TMC1: variants seen among roughly 807,000 people sequenced by gnomAD.
The protein encoded by TMC1 is transmembrane channel like 1.
Under a neutral mutation model 105.8 loss-of-function variants are expected in TMC1, and 84 were observed. The ratio of observed to expected loss-of-function variants is 0.79; its 90% CI spans 0.67 to 0.95. The LOEUF (loss-of-function observed/expected upper bound fraction) is 0.95, where lower values mean the gene tolerates loss of function less well. Among genes scored for constraint, TMC1 ranks in the 40% least tolerant of loss-of-function variants. The pLI is 0.00. For synonymous variants in TMC1, 315 were observed against 311.5 expected, an observed-to-expected ratio of 1.01 and a Z score of -0.12; for missense variants, 817 against 914.1, an observed-to-expected ratio of 0.89 and a Z score of 1.37.
At chr9:72,559,336 C>T (rs1824003904) in intron 1 of TMC1, among the ~76,000 whole-genome samples, 1 of 152,134 alleles carries the variant, frequency 6.6e-6, no homozygotes, top group South Asian at 2.1e-4. Flanking sequence ...CCTCATGATC[C>T]ACCCGCCTTG....
chr9:72,624,667 A>G (rs1308116197), intron 3 of TMC1, among the ~76,000 whole-genome samples: 1 of 152,194 alleles, frequency 6.6e-6, no homozygotes, highest in African/African-American at 2.4e-5. Context: ...CACTAGCCCA[A>G]TTATGCACCA....
intron 5 of TMC1, among the ~76,000 whole-genome samples, chr9:72,667,075 G>A (rs1826056233): frequency 6.6e-6 from 1 of 152,058 alleles, no homozygotes; most frequent in African/African-American, 2.4e-5. Flanking sequence ...GTGAGACCCT[G>A]TCTCAAAACA....
intron 2 of TMC1, among the ~76,000 whole-genome samples, chr9:72,607,643 A>G (rs1002385416): frequency 1.4e-4 from 20 of 146,764 alleles, no homozygotes; most frequent in African/African-American, 5.0e-4. Context: ...AAGAGTATCA[A>G]TGTATCAAAA....
At chr9:72,554,505 T>G (rs1048262021) in intron 1 of TMC1, among the ~76,000 whole-genome samples, 2 of 152,222 alleles carry the variant, frequency 1.3e-5, no homozygotes, top group East Asian at 3.9e-4. Flanking sequence ...CTTGGTGATA[T>G]CTTGATCTTA....
At chr9:72,799,318 G>T (rs1169047367) in intron 17 of TMC1, among the ~76,000 whole-genome samples, 2 of 151,884 alleles carry the variant, frequency 1.3e-5, no homozygotes. Context: ...ATTTTTTACT[G>T]CATTATTTGG....
At chr9:72,603,854 T>G (rs1337162975) in intron 2 of TMC1, among the ~76,000 whole-genome samples, 1 of 140,196 alleles carries the variant, frequency 7.1e-6, no homozygotes, top group Non-Finnish European at 1.5e-5. Flanking sequence ...GGCTGTTTTT[T>G]TTTTTTTTTT....
chr9:72,588,038 C>T (rs976917502), intron 2 of TMC1, among the ~76,000 whole-genome samples: 1 of 152,090 alleles, frequency 6.6e-6, no homozygotes, highest in Non-Finnish European at 1.5e-5. Flanking sequence ...ACCCATCCTC[C>T]TCAGCCTTCC....
intron 1 of TMC1, among the ~76,000 whole-genome samples, chr9:72,536,706 G>T (rs2132061193): frequency 6.6e-6 from 1 of 152,254 alleles, no homozygotes; most frequent in South Asian, 2.1e-4. Context: ...GTAGTGTGAG[G>T]GGTGGGTCCT....
chr9:72,632,506 G>A (rs1255270634), intron 4 of TMC1, among the ~76,000 whole-genome samples: 1 of 152,110 alleles, frequency 6.6e-6, no homozygotes, highest in Non-Finnish European at 1.5e-5. Context: ...AAGAGGACGA[G>A]GGGCTGGAAA....
intron 8 of TMC1, among the ~76,000 whole-genome samples, chr9:72,706,779 T>C (rs927272135): frequency 2.8e-5 from 3 of 107,534 alleles, no homozygotes; most frequent in Non-Finnish European, 7.0e-5. Context: ...TCTTTCTTTC[T>C]TTTTTTTTTT....
chr9:72,640,045 A>G (rs996377853), intron 4 of TMC1, among the ~76,000 whole-genome samples: 3 of 152,172 alleles, frequency 2.0e-5, no homozygotes, highest in Non-Finnish European at 2.9e-5. Context: ...TTGCCAATCC[A>G]ATTTTTTTTT....
intron 2 of TMC1, among the ~76,000 whole-genome samples, chr9:72,583,105 C>T (rs957801287): frequency 5.3e-5 from 8 of 152,010 alleles, no homozygotes; most frequent in Admixed American, 5.2e-4. Flanking sequence ...GCCTGTGATC[C>T]CAGCTACTCA....
intron 3 of TMC1, among the ~76,000 whole-genome samples, chr9:72,625,910 C>G (rs72731190): frequency 0.099 from 15,089 of 152,060 alleles, 796 homozygotes; most frequent in Non-Finnish European, 0.13. Flanking sequence ...TTGTATATGT[C>G]CAACAAGAGA....
rs187093603 is a variant in TMC1, at chr9:72,689,308, G to A, written c.64+552G>A. On this transcript the variant is annotated intron_variant, in intron 6 of 23. Transcript: ENST00000297784. ...GTCTTATGATCTACACTCAAACAAGGTAGGTCGGATGATTTCTTGATGACC... is the reference window on the plus strand; with the variant it reads ...GTCTTATGATCTACACTCAAACAAGATAGGTCGGATGATTTCTTGATGACC... Among the ~76,000 whole-genome samples the A allele has an allele frequency of 1.1e-4, 16 of 152,234 alleles. No individual in the cohort carries two copies. The South Asian group carries it at 2.9e-3, about 28-fold the overall frequency.
chr9:72,819,969 ACTAAGCCAT>A (rs1304318613), intron 19 of TMC1, among the ~76,000 whole-genome samples: 1 of 152,206 alleles, frequency 6.6e-6, no homozygotes, highest in African/African-American at 2.4e-5. Flanking sequence ...GAAATAATCA[ACTAAGCCAT>A]CAAGTAAAAG....
At chr9:72,772,282 T>A (rs1359485028) in intron 12 of TMC1, 131 bp from the exon 13 acceptor site, 2 of 1,111,680 alleles carry the variant, frequency 1.8e-6, no homozygotes, top group African/African-American at 3.1e-5. Context: ...AGCAAAACAA[T>A]AGGGCTCATG....
intron 2 of TMC1, among the ~76,000 whole-genome samples, chr9:72,603,416 C>T (rs1447112366): frequency 8.2e-6 from 1 of 121,686 alleles, no homozygotes; most frequent in South Asian, 2.4e-4. Context: ...CACACACACA[C>T]ACACACCACA....
intron 5 of TMC1, among the ~76,000 whole-genome samples, chr9:72,650,479 A>G (rs1825784182): frequency 6.6e-6 from 1 of 151,810 alleles, no homozygotes; most frequent in African/African-American, 2.4e-5. Context: ...CAAGCTATGA[A>G]GGGACAGAAC....
intron 8 of TMC1, among the ~76,000 whole-genome samples, chr9:72,715,950 G>T (rs1018798034): frequency 6.6e-6 from 1 of 151,994 alleles, no homozygotes; most frequent in Non-Finnish European, 1.5e-5. Context: ...GTCTCTGAGT[G>T]GTCCTTTTTG....
Sources: gnomAD v4.1 joint callset for allele counts (sites outside exome capture counted in the v4.1 genomes callset) on GRCh38, gnomAD v4.1.1 for gene constraint, MANE v1.5 for transcripts, NCBI Gene and HGNC (gene_info 2026-07-23, HGNC 2026-07-21) for gene names.